The following DNAH7 variants were observed in gnomAD, a reference collection of about 807,000 sequenced individuals.
DNAH7 encodes the protein axonemal beta dynein heavy chain 7.
In DNAH7, 397 loss-of-function variants were observed where a neutral mutation model predicts 444.6. The ratio of observed to expected loss-of-function variants is 0.89; its 90% CI spans 0.82 to 0.97. The LOEUF (loss-of-function observed/expected upper bound fraction) is 0.97, where lower values mean the gene tolerates loss of function less well. DNAH7 is among the 50% of genes least tolerant of loss of function. The pLI, the probability that DNAH7 is intolerant of heterozygous loss-of-function variation, is 0.00. For synonymous variants in DNAH7, 1,636 were observed against 1,624.4 expected (o/e 1.01, Z -0.17); for missense variants, 4,902 against 4,800.8 (o/e 1.02, Z -0.62).
At chr2:195,937,184 T>C (rs893804194) in intron 19 of DNAH7, among the ~76,000 whole-genome samples, 1 of 152,178 alleles carries the variant, frequency 6.6e-6, no homozygotes, top group Non-Finnish European at 1.5e-5. Flanking sequence ...ATAATTATTA[T>C]TTTGAATTTT....
At chr2:195,968,362 C>T (rs1413453159) in intron 17 of DNAH7, among the ~76,000 whole-genome samples, 1 of 152,152 alleles carries the variant, frequency 6.6e-6, no homozygotes, top group African/African-American at 2.4e-5. Flanking sequence ...CCCTTCAAGG[C>T]CTTCAAGGCA....
chr2:195,879,550 T>C (rs1481907618), intron 36 of DNAH7, among the ~76,000 whole-genome samples: 4 of 152,186 alleles, frequency 2.6e-5, no homozygotes, highest in Non-Finnish European at 4.4e-5. Flanking sequence ...CAGGTAAGCC[T>C]TATTCTTCAG....
At chr2:195,767,800 G>GT (rs139040283) in intron 61 of DNAH7, among the ~76,000 whole-genome samples, 4,787 of 151,792 alleles carry the variant, frequency 0.032, 90 homozygotes, top group Middle Eastern at 0.061. Context: ...TGATTGCTCT[G>GT]TATTCTTAAA....
Position 195,864,677 on chromosome 2 carries a change from A to T in DNAH7, c.6978T>A (p.Ile2326=). 6.2e-7 allele frequency: 1 copy of T among 1,614,174 alleles called. No individual in the cohort carries two copies. The highest frequency in any genetic ancestry group is 2.2e-5 in the East Asian group (1 of 44,880). ...TGCGAGGCTGCTTCAGGATCCTGGA[A>T]ATTCTGCTGATGTGCTCTATGGCAA... ...FRFAIEHISR[I]SRILKQPRSH... The change falls in exon 41 of 65, where the codon ATT becomes ATA. Residue 2326 remains isoleucine, a synonymous_variant. Transcript: ENST00000312428.
intron 40 of DNAH7, among the ~76,000 whole-genome samples, chr2:195,865,849 A>G (rs1700303119): frequency 6.6e-6 from 1 of 152,092 alleles, no homozygotes. Context: ...TTATAAGGAG[A>G]GGAAGAGGCA....
In DNAH7 at chr2:195,787,293, C is replaced by A. The variant is rs1258435448; in HGVS notation, c.10717-122G>T. ...AAATAGCATAGGGACATATTCATCC[C>A]AAATTACAATTATAACAGAGTTAAG... is the stretch of plus-strand genomic sequence containing the variant. On this transcript the variant is annotated intron_variant, in intron 57 of 64. Transcript: ENST00000312428. 7.8e-6 allele frequency: 8 copies of A among 1,021,346 alleles called. No homozygotes were observed. In the East Asian group the frequency reaches 1.1e-4, roughly 14 times the overall value. The allele number at this position is 1,021,346 out of a possible 1,614,324, so 63.3% of individuals were successfully genotyped here. A position where few individuals can be genotyped will look rare whatever the true frequency, so the allele number is the denominator to read the frequency against.
In DNAH7 at chr2:196,005,294, AC is replaced by A. The variant is rs1375370952; in HGVS notation, c.990-3437del. Among the ~76,000 whole-genome samples, 1,371 of 150,336 alleles carry A rather than the reference AC, an allele frequency of 9.1e-3. 22 individuals are homozygous for A. The highest frequency in any genetic ancestry group is 0.028 in the African/African-American group (1,115 of 40,312). ...ATCTCCAAAACAAACAAACAAACAA[AC>A]AAACAAACAAAAATATATATATATA... On this transcript the variant is annotated intron_variant, in intron 10 of 64. Coordinates refer to ENST00000312428, the MANE Select transcript of DNAH7 (RefSeq NM_018897.3).
chr2:196,049,591 GT>G (rs1697341515), intron 3 of DNAH7, among the ~76,000 whole-genome samples: 2 of 152,124 alleles, frequency 1.3e-5, no homozygotes. Flanking sequence ...AATAAAAGTA[GT>G]TTTAAAAAAA....
intron 51 of DNAH7, among the ~76,000 whole-genome samples, chr2:195,814,898 G>A (rs1247257571): frequency 1.3e-5 from 2 of 151,830 alleles, no homozygotes; most frequent in Non-Finnish European, 2.9e-5. Flanking sequence ...ACACCACCGT[G>A]CCCAGCTAAA....
intron 58 of DNAH7, among the ~76,000 whole-genome samples, chr2:195,780,732 C>T (rs1559091522): frequency 6.6e-6 from 1 of 151,998 alleles, no homozygotes; most frequent in Non-Finnish European, 1.5e-5. Flanking sequence ...GCCTGGGCAA[C>T]AGGGCAAGAC....
Position 195,824,256 on chromosome 2 carries a change from T to C in DNAH7, c.9290A>G (p.Lys3097Arg). Residue 3097 changes from lysine to arginine, a missense_variant and splice_region_variant, in exon 49 of 65, where the codon AAG (lysine) becomes AGG (arginine). Physicochemically the swap from Lys to Arg is conservative, Grantham distance 26 (BLOSUM62 2). Transcript: ENST00000312428. Reference sequence around the variant, plus strand: ...GAAACATTCATTTTATATACTGGCCTTTACTGATGTTTCAGGAAGATAATG... The same window carrying C: ...GAAACATTCATTTTATATACTGGCCCTTACTGATGTTTCAGGAAGATAATG... ...NPHYLPETSV[K>R]VTLLNFMITP... 6.2e-7 allele frequency: 1 copy of C among 1,610,982 alleles called. No individual in the cohort carries two copies. The highest frequency in any genetic ancestry group is 8.5e-7 in the Non-Finnish European group (1 of 1,178,006).
chr2:195,936,482 T>C, intron 20 of DNAH7, 117 bp downstream of exon 20: 1 of 614,558 alleles, frequency 1.6e-6, no homozygotes, highest in Non-Finnish European at 2.5e-6. Context: ...ACTTGGAACA[T>C]TCTTGTAGAA....
intron 46 of DNAH7, among the ~76,000 whole-genome samples, chr2:195,852,891 TAC>T (rs4014237): frequency 0.38 from 52,414 of 138,318 alleles, 11,074 homozygotes; most frequent in Non-Finnish European, 0.47. Flanking sequence ...GCTGATGAAG[TAC>T]ACACACACAC....
At chr2:195,759,077 T>G (rs1338574344) in intron 61 of DNAH7, among the ~76,000 whole-genome samples, 2 of 152,172 alleles carry the variant, frequency 1.3e-5, no homozygotes, top group Non-Finnish European at 2.9e-5. Flanking sequence ...ATAGAGTGCT[T>G]GCACCACCCC....
At chr2:196,018,524 C>T (rs13021020) in intron 9 of DNAH7, among the ~76,000 whole-genome samples, 75,906 of 151,832 alleles carry the variant, frequency 0.5, 22,031 homozygotes, top group South Asian at 0.64. Flanking sequence ...AAATAAATGT[C>T]CTTGGAATTC....
At chr2:195,750,977 G>C (rs184166157) in intron 63 of DNAH7, among the ~76,000 whole-genome samples, 106 of 152,140 alleles carry the variant, frequency 7.0e-4, no homozygotes, top group African/African-American at 2.4e-3. Flanking sequence ...ATATTTATTA[G>C]TGTCTTTTAT....
intron 5 of DNAH7, among the ~76,000 whole-genome samples, chr2:196,033,388 A>T (rs1171785045): frequency 6.6e-6 from 1 of 152,158 alleles, no homozygotes; most frequent in African/African-American, 2.4e-5. Flanking sequence ...ATATGTTTTA[A>T]AGAAAAAAAC....
chr2:195,970,545 A>C (rs1291516317), intron 16 of DNAH7, among the ~76,000 whole-genome samples: 2 of 152,192 alleles, frequency 1.3e-5, no homozygotes, highest in Admixed American at 6.5e-5. Context: ...TATCATTTCA[A>C]TCAGCAATAC....
chr2:195,878,407 G>C (rs957497055), intron 36 of DNAH7, among the ~76,000 whole-genome samples: 10 of 152,084 alleles, frequency 6.6e-5, no homozygotes, highest in African/African-American at 2.2e-4. Flanking sequence ...AGGAGTTGGA[G>C]ATCAGCCTCG....
Sources: gnomAD v4.1 joint callset for allele counts (sites outside exome capture counted in the v4.1 genomes callset) on GRCh38, gnomAD v4.1.1 for gene constraint, MANE v1.5 for transcripts, NCBI Gene and HGNC (gene_info 2026-07-23, HGNC 2026-07-21) for gene names.